The following FRMPD1 variants were observed in gnomAD, a reference collection of about 807,000 sequenced individuals.
FRMPD1 encodes the protein FERM and PDZ domain containing 1.
In FRMPD1, 76 loss-of-function variants were observed where a neutral mutation model predicts 117.8. The observed-to-expected ratio is 0.65, with a 90% confidence interval of 0.54 to 0.78. The LOEUF is 0.78. Among genes scored for constraint, FRMPD1 ranks in the 30% least tolerant of loss-of-function variants. The probability of loss-of-function intolerance (pLI) is 0.00; values close to 1 mark genes in which losing one functional copy is unlikely to be tolerated. For missense variants in FRMPD1, 1,786 were observed against 1,964.5 expected (o/e 0.91, Z 1.72); for synonymous variants, 783 against 770.4 (o/e 1.02, Z -0.27).
chr9:37,668,617 G>C (rs1243752794), intron 1 of FRMPD1: 2 of 152,204 alleles, frequency 1.3e-5, no homozygotes. Flanking sequence ...TGCTCATTCT[G>C]TAACGTGTGC....
chr9:37,737,344 C>T, intron 14 of FRMPD1, 101 bp downstream of exon 14: 1 of 1,014,282 alleles, frequency 9.9e-7, no homozygotes, highest in Non-Finnish European at 1.5e-6. Flanking sequence ...TGAGCCGAGG[C>T]TTCAGCTCAA....
the FRMPD1 span, chr9:37,637,058 CGGTA>C: frequency 6.5e-7 from 1 of 1,546,648 alleles, no homozygotes; most frequent in South Asian, 1.1e-5. Context: ...ATGAGCCCCC[CGGTA>C]GTAGCTGGAA....
intron 1 of FRMPD1, among the ~76,000 whole-genome samples, chr9:37,657,696 G>T (rs1298066042): frequency 2.0e-5 from 3 of 152,214 alleles, no homozygotes; most frequent in Non-Finnish European, 4.4e-5. Flanking sequence ...CAAAAACTGC[G>T]TAATAAGTGT....
chr9:37,622,775 C>G, the FRMPD1 span, among the ~76,000 whole-genome samples: 7 of 152,084 alleles, frequency 4.6e-5, no homozygotes, highest in Non-Finnish European at 1.0e-4. Context: ...TCTCATTAAA[C>G]AAAATTGGAT....
intron 1 of FRMPD1, chr9:37,667,883 T>C (rs563154621): frequency 6.6e-6 from 1 of 152,336 alleles, no homozygotes; most frequent in African/African-American, 2.4e-5. Flanking sequence ...GGCAAGTTAT[T>C]TAATCTTCCT....
chr9:37,603,492 C>T, the FRMPD1 span, among the ~76,000 whole-genome samples: 461 of 152,248 alleles, frequency 3.0e-3, 3 homozygotes, highest in Non-Finnish European at 4.6e-3. Context: ...CACAATAGTT[C>T]GACCGCTGTG....
intron 2 of FRMPD1, among the ~76,000 whole-genome samples, chr9:37,700,716 A>G (rs1237121984): frequency 1.3e-5 from 2 of 152,222 alleles, no homozygotes; most frequent in African/African-American, 4.8e-5. Context: ...GACTGTTTTC[A>G]TGATAAATGT....
chr9:37,652,787 G>C (rs2119356725), intron 1 of FRMPD1, among the ~76,000 whole-genome samples: 1 of 152,304 alleles, frequency 6.6e-6, no homozygotes, highest in South Asian at 2.1e-4. Flanking sequence ...ATTACCAACA[G>C]GCCCTACCCT....
chr9:37,702,236 G>A (rs1383468381), intron 2 of FRMPD1, among the ~76,000 whole-genome samples: 3 of 152,136 alleles, frequency 2.0e-5, no homozygotes, highest in Admixed American at 6.5e-5. Context: ...TACATTAGCA[G>A]TAACATATTA....
chr9:37,693,125 C>T, intron 2 of FRMPD1: 1 of 185,966 alleles, frequency 5.4e-6, no homozygotes, highest in Non-Finnish European at 1.1e-5. Flanking sequence ...GACACACACA[C>T]ACATAGAGAC....
At position 37,697,984 on chromosome 9, in the gene FRMPD1, G is replaced by A. The variant is rs539319245; in HGVS notation, c.101+5242G>A. On this transcript the variant is annotated intron_variant, in intron 2 of 15. Coordinates refer to ENST00000377765, the MANE Select transcript of FRMPD1 (RefSeq NM_014907.3). ...ACGAAAATTAGCTGGGCATTGTGGCGCGTGCCTCTAGTCCCAGCTACTTGG... is the reference window on the plus strand; with the variant it reads ...ACGAAAATTAGCTGGGCATTGTGGCACGTGCCTCTAGTCCCAGCTACTTGG... 6.6e-5 allele frequency among the ~76,000 whole-genome samples: 10 copies of A among 152,204 alleles called. No homozygotes were observed. The East Asian group carries it at 9.7e-4, about 15-fold the overall frequency.
the FRMPD1 span, among the ~76,000 whole-genome samples, chr9:37,643,706 T>C: frequency 6.6e-6 from 1 of 152,332 alleles, no homozygotes; most frequent in East Asian, 1.9e-4. Flanking sequence ...TAATCTCTGA[T>C]CTGCTTTGGC....
chr9:37,717,813 G>A lies in FRMPD1; in HGVS notation c.409-1256G>A, dbSNP rs557411851. The stretch of plus-strand genomic sequence containing the variant: ...TTCTTCCATTCTCTGTTCCGTGGAT[G>A]ATACCAACTGTTACATATTATAGGT... On this transcript the variant is annotated intron_variant, in intron 5 of 15. Transcript: ENST00000377765. 1.3e-3 allele frequency among the ~76,000 whole-genome samples: 193 copies of A among 152,196 alleles called. 1 individual carries two copies. The highest frequency in any genetic ancestry group is 2.4e-3 in the Non-Finnish European group (166 of 68,018).
At chr9:37,678,352 C>T (rs1821605795) in intron 1 of FRMPD1, among the ~76,000 whole-genome samples, 1 of 149,784 alleles carries the variant, frequency 6.7e-6, no homozygotes, top group Non-Finnish European at 1.5e-5. Context: ...CCTCCACCTC[C>T]CAGGTTCAAG....
At chr9:37,695,345 C>T (rs1311072694) in intron 2 of FRMPD1, among the ~76,000 whole-genome samples, 2 of 152,112 alleles carry the variant, frequency 1.3e-5, no homozygotes, top group East Asian at 3.8e-4. Context: ...TTGTAGCCAT[C>T]CTAGTGGGTG....
intron 1 of FRMPD1, among the ~76,000 whole-genome samples, chr9:37,690,271 A>G (rs1279562480): frequency 6.6e-6 from 1 of 151,890 alleles, no homozygotes; most frequent in Non-Finnish European, 1.5e-5. Flanking sequence ...TTTTTATTCT[A>G]GCTGCCTTAT....
At chr9:37,695,171 T>G (rs1021082326) in intron 2 of FRMPD1, among the ~76,000 whole-genome samples, 2 of 152,208 alleles carry the variant, frequency 1.3e-5, no homozygotes, top group African/African-American at 2.4e-5. Flanking sequence ...GAGTATATAC[T>G]TAGGAGTGGA....
Position 37,735,745 on chromosome 9 carries a change from G to A in FRMPD1, c.1401+11G>A. On this transcript the variant is annotated intron_variant, in intron 13 of 15. Coordinates refer to ENST00000377765, the MANE Select transcript of FRMPD1 (RefSeq NM_014907.3). ...CTTCAGGACGTCAAGGTAACACAAT[G>A]GGGAGAGATTCTGAATTCAACTGCT... 2 of 1,597,654 alleles carry A rather than the reference G, an allele frequency of 1.3e-6. No homozygotes were observed. Among genetic ancestry groups the A allele is most frequent in the Non-Finnish European group, 1.7e-6 (2 of 1,166,464 alleles).
chr9:37,726,352 A>G lies in FRMPD1; in HGVS notation c.612+2032A>G, dbSNP rs1823615978. 2.0e-5 allele frequency among the ~76,000 whole-genome samples: 3 copies of G among 152,188 alleles called. No individual in the cohort carries two copies. The South Asian group carries it at 6.2e-4, about 31-fold the overall frequency. On this transcript the variant is annotated intron_variant, in intron 7 of 15. Coordinates refer to ENST00000377765, the MANE Select transcript of FRMPD1 (RefSeq NM_014907.3). ...ATGTCATTTGACCCAGTAAACATTTATTGACACTTTTTGTGTGCCAGGCAT... is the reference window on the plus strand; with the variant it reads ...ATGTCATTTGACCCAGTAAACATTTGTTGACACTTTTTGTGTGCCAGGCAT...
Sources: allele counts gnomAD v4.1 joint callset (sites outside exome capture counted in the v4.1 genomes callset), GRCh38; gene constraint gnomAD v4.1.1; transcripts MANE v1.5; gene names NCBI Gene and HGNC (gene_info 2026-07-23, HGNC 2026-07-21).